The following DOCK3 variants were observed in gnomAD, a reference collection of about 807,000 sequenced individuals.
DOCK3 encodes dedicator of cytokinesis 3, also known as dedicator of cytokinesis protein 3.
A neutral mutation model predicts 265.6 loss-of-function variants in DOCK3; 60 were observed. The observed-to-expected ratio is 0.23, with a 90% CI of 0.18 to 0.28. The LOEUF is 0.28. Ranked by LOEUF, DOCK3 falls within the 10% of genes least tolerant of loss-of-function variation. DOCK3 has a pLI of 1.00. For missense variants in DOCK3, 1,981 were observed against 2,594.3 expected (o/e 0.76, Z 5.14); for synonymous variants, 881 against 938.0 (o/e 0.94, Z 1.11).
At position 51,381,306 on chromosome 3, in the gene DOCK3, C is replaced by G. The variant is rs782125527; in HGVS notation, c.5840C>G (p.Ser1947Cys). 2.7e-5 allele frequency: 44 copies of G among 1,613,542 alleles called. No individual in the cohort carries two copies. The highest frequency in any genetic ancestry group is 1.0e-4 in the Admixed American group (6 of 60,012). Residue 1947 changes from serine to cysteine, a missense_variant, in exon 53 of 53, where the codon TCC becomes TGC. Ser to Cys is a moderately radical substitution (Grantham distance 112). Transcript: ENST00000266037. This position sits in a 1 kb window ranked among gnomAD's most constrained non-coding sequence, Gnocchi z 5.6. Reference sequence around the variant, plus strand: ...CTCTCTGAGTCTGCCGTCCTGGACTCCATCAAGGCCCAGCCATGCCGAAGC... The same window carrying G: ...CTCTCTGAGTCTGCCGTCCTGGACTGCATCAAGGCCCAGCCATGCCGAAGC... ...YSLSESAVLDSIKAQPCRSHS... is the reference protein window; with the variant it reads ...YSLSESAVLDCIKAQPCRSHS...
chr3:51,129,829 G>A (rs1446912971), intron 9 of DOCK3, among the ~76,000 whole-genome samples: 3 of 152,184 alleles, frequency 2.0e-5, no homozygotes, highest in African/African-American at 7.2e-5. Context: ...GGATCTGCTG[G>A]GTCATATGGC....
intron 3 of DOCK3, among the ~76,000 whole-genome samples, chr3:50,887,928 T>C (rs1220161101): frequency 6.6e-6 from 1 of 152,100 alleles, no homozygotes; most frequent in African/African-American, 2.4e-5. Context: ...AAACTGGAAG[T>C]ATTCACTTTG....
chr3:51,304,560 T>C (rs1349524584), intron 27 of DOCK3, among the ~76,000 whole-genome samples: 1 of 152,210 alleles, frequency 6.6e-6, no homozygotes, highest in Non-Finnish European at 1.5e-5. Context: ...GCTGAGAATC[T>C]GCACAGCTGT....
intron 5 of DOCK3, among the ~76,000 whole-genome samples, chr3:50,957,107 G>A (rs1217356885): frequency 6.6e-6 from 1 of 152,150 alleles, no homozygotes; most frequent in African/African-American, 2.4e-5. Flanking sequence ...GAAGCATCTG[G>A]TCAATGCTAA....
At chr3:51,277,314 T>C (rs1412519577) in intron 25 of DOCK3, among the ~76,000 whole-genome samples, 2 of 152,222 alleles carry the variant, frequency 1.3e-5, no homozygotes, top group Non-Finnish European at 2.9e-5. Context: ...CTCAAGATCT[T>C]TGCTTCTGCC....
At chr3:51,131,454 AG>A (rs746695975) in intron 9 of DOCK3, among the ~76,000 whole-genome samples, 1 of 152,182 alleles carries the variant, frequency 6.6e-6, no homozygotes, top group Non-Finnish European at 1.5e-5. Flanking sequence ...GTAATGTAGT[AG>A]GGTCCTTCTT....
chr3:51,217,657 G>T (rs1381624809), intron 14 of DOCK3, among the ~76,000 whole-genome samples: 1 of 152,076 alleles, frequency 6.6e-6, no homozygotes, highest in Non-Finnish European at 1.5e-5. Context: ...TCCTTTTCTT[G>T]ATTTTTTTTA....
chr3:50,894,278 G>A (rs549364144), intron 4 of DOCK3, among the ~76,000 whole-genome samples: 23 of 151,998 alleles, frequency 1.5e-4, no homozygotes, highest in African/African-American at 5.1e-4. Flanking sequence ...AGATTTCTCC[G>A]CCAAAACCTT....
At chr3:50,997,202 T>C (rs982710423) in intron 5 of DOCK3, among the ~76,000 whole-genome samples, 7 of 152,246 alleles carry the variant, frequency 4.6e-5, no homozygotes, top group African/African-American at 1.7e-4. Flanking sequence ...TACATTTGTT[T>C]ATTTACCTAA....
intron 1 of DOCK3, among the ~76,000 whole-genome samples, chr3:50,727,575 A>G (rs1181364092): frequency 2.0e-5 from 3 of 151,988 alleles, no homozygotes; most frequent in Admixed American, 6.6e-5. Context: ...GCACGTGCCT[A>G]TAATCCCAGA....
intron 3 of DOCK3, chr3:50,863,538 C>T: frequency 6.4e-6 from 3 of 467,560 alleles, no homozygotes; most frequent in Non-Finnish European, 1.3e-5. Context: ...TCGATCTTTG[C>T]TAGACTCTCG....
intron 5 of DOCK3, among the ~76,000 whole-genome samples, chr3:51,016,971 T>TAA (rs367622155): frequency 9.2e-5 from 2 of 21,818 alleles, no homozygotes; most frequent in African/African-American, 3.6e-4. Flanking sequence ...TATATATATA[T>TAA]AAATAAATGG....
chr3:51,145,563 C>T (rs550836188), intron 9 of DOCK3, among the ~76,000 whole-genome samples: 137 of 152,252 alleles, frequency 9.0e-4, no homozygotes, highest in African/African-American at 3.2e-3. Flanking sequence ...AACACAAATT[C>T]GTAAACTTTC....
chr3:51,058,204 A>C (rs895103700), intron 5 of DOCK3, among the ~76,000 whole-genome samples: 2 of 152,192 alleles, frequency 1.3e-5, no homozygotes, highest in South Asian at 2.1e-4. Flanking sequence ...AAGCAGCCAG[A>C]CTAGTTAAAG....
At chr3:50,997,758 G>A (rs955314863) in intron 5 of DOCK3, among the ~76,000 whole-genome samples, 5 of 152,044 alleles carry the variant, frequency 3.3e-5, no homozygotes, top group African/African-American at 9.7e-5. Flanking sequence ...AAAATAACTG[G>A]CTAGGTATAG....
chr3:51,120,025 C>T (rs530872839), intron 9 of DOCK3, among the ~76,000 whole-genome samples: 6 of 152,066 alleles, frequency 3.9e-5, no homozygotes, highest in Non-Finnish European at 7.3e-5. Flanking sequence ...AGTTGTGATC[C>T]TTTGGAGGAG....
chr3:51,164,622 T>TAAA (rs1312042597), intron 12 of DOCK3, among the ~76,000 whole-genome samples: 1 of 28,934 alleles, frequency 3.5e-5, no homozygotes, highest in East Asian at 1.8e-3. Flanking sequence ...AGACTCCGTC[T>TAAA]CAAAAAAAAA....
At chr3:51,124,129 T>A (rs1243770419) in intron 9 of DOCK3, among the ~76,000 whole-genome samples, 1 of 152,200 alleles carries the variant, frequency 6.6e-6, no homozygotes, top group East Asian at 1.9e-4. Flanking sequence ...CTGGACATCC[T>A]TCCTCCAGCC....
At chr3:50,736,366 T>G (rs1471424007) in intron 1 of DOCK3, among the ~76,000 whole-genome samples, 1 of 152,190 alleles carries the variant, frequency 6.6e-6, no homozygotes, top group Non-Finnish European at 1.5e-5. Context: ...AACATATGTG[T>G]GCATGTGTCT....
Sources: gnomAD v4.1 joint callset for allele counts (sites outside exome capture counted in the v4.1 genomes callset) on GRCh38, gnomAD v4.1.1 for gene constraint, Gnocchi (gnomAD v3.1) non-coding constraint, MANE v1.5 for transcripts, NCBI Gene and HGNC (gene_info 2026-07-23, HGNC 2026-07-21) for gene names.